The following NR1H3 variants were observed in gnomAD, a reference collection of about 807,000 sequenced individuals.
NR1H3 encodes the protein nuclear receptor subfamily 1 group H member 3.
Under a neutral mutation model 48.1 loss-of-function variants are expected in NR1H3, and 19 were observed. That is an observed-to-expected ratio of 0.40 (90% CI 0.28 to 0.58). NR1H3 has a LOEUF of 0.58. Among genes scored for constraint, NR1H3 ranks in the 20% least tolerant of loss-of-function variants. NR1H3 has a pLI of 0.50. For missense variants in NR1H3, 486 were observed against 595.9 expected (o/e 0.82, Z 1.92); for synonymous variants, 232 against 227.3 (o/e 1.02, Z -0.19).
chr11:47,267,590 C>G (rs1035168506), intron 7 of NR1H3, among the ~76,000 whole-genome samples: 2 of 151,730 alleles, frequency 1.3e-5, no homozygotes, highest in African/African-American at 4.9e-5. Flanking sequence ...GTCACTGCAA[C>G]CTCTGCCTCC....
upstream of NR1H3, among the ~76,000 whole-genome samples, chr11:47,255,541 T>TTTTC (rs1173009490): frequency 3.2e-3 from 228 of 71,602 alleles, 1 homozygote; most frequent in East Asian, 0.012. Flanking sequence ...CTTTCTTTCT[T>TTTTC]TTTCTTTCTT....
intron 1 of NR1H3, among the ~76,000 whole-genome samples, chr11:47,250,725 T>G (rs534532110): frequency 6.6e-6 from 1 of 152,370 alleles, no homozygotes; most frequent in African/African-American, 2.4e-5. Context: ...GACCATTTAT[T>G]ACAGGTTTCA....
upstream of NR1H3, chr11:47,257,512 C>T (rs991591605): frequency 3.7e-5 from 11 of 298,246 alleles, no homozygotes; most frequent in Non-Finnish European, 5.5e-5. Context: ...TGGCTGAGGC[C>T]TGGGGCTAGT....
exon 1 of NR1H3, chr11:47,248,924 C>G: frequency 6.5e-7 from 1 of 1,534,518 alleles, no homozygotes. Flanking sequence ...TGCTGGGGTG[C>G]GGGGAAAAGG....
chr11:47,266,576 C>T (rs1246400421), intron 7 of NR1H3, among the ~76,000 whole-genome samples: 3 of 151,934 alleles, frequency 2.0e-5, no homozygotes, highest in East Asian at 1.9e-4. Flanking sequence ...TCAGGCAATC[C>T]GTCTGCCTCG....
At chr11:47,248,699 G>C (rs745371771), upstream of NR1H3, 22 of 1,611,948 alleles carry the variant, frequency 1.4e-5, no homozygotes, top group Admixed American at 3.2e-4. Context: ...CGCAGACTCC[G>C]GGCCCGGGTG....
chr11:47,268,411 GA>G (rs1364665104), intron 9 of NR1H3, 56 bp downstream of exon 9: 1 of 1,593,546 alleles, frequency 6.3e-7, no homozygotes, highest in Non-Finnish European at 8.6e-7. Context: ...CCCATTCCCT[GA>G]CATACCTACT....
Position 47,261,316 on chromosome 11 carries a change from T to C in NR1H3, c.575T>C (p.Leu192Ser), listed in dbSNP as rs147922801. The C allele has an allele frequency of 3.1e-6, 5 of 1,613,910 alleles. No individual in the cohort carries two copies. In the African/African-American group the frequency reaches 4.0e-5, roughly 13 times the overall value. ...GAGGAACAGGCTCATGCCACATCCT[T>C]GCCCCCCAGGGCTTCCTCACCCCCC... ...QEEEQAHATS[L>S]PPRASSPPQI... Residue 192 changes from leucine to serine, a missense_variant, in exon 5 of 10, where the codon TTG becomes TCG. Transcript: ENST00000441012.
Position 47,249,907 on chromosome 11 carries a change from C to T in NR1H3, c.-93+908C>T, listed in dbSNP as rs182497537. Among the ~76,000 whole-genome samples, 10 of 150,980 alleles carry T rather than the reference C, an allele frequency of 6.6e-5. No homozygotes were observed. The East Asian group carries it at 1.8e-3, about 27-fold the overall frequency. On this transcript the variant is annotated intron_variant, in intron 1 of 8. Coordinates refer to the NR1H3 transcript ENST00000395397. ...AGGAGTTCGAGACCAGCCTGGCCAA[C>T]GTGGCGAAACCCCGTCTCTACTAAA...
upstream of NR1H3, among the ~76,000 whole-genome samples, chr11:47,255,611 CTCTCTCTTTCTTTCTT>C (rs1488268132): frequency 2.4e-4 from 29 of 122,932 alleles, 1 homozygote; most frequent in African/African-American, 9.0e-4. Context: ...CTCTCTCTCT[CTCTCTCTTTCTTTCTT>C]TCTTTCTTTC....
upstream of NR1H3, among the ~76,000 whole-genome samples, chr11:47,255,595 T>TTCTC (rs1183559034): frequency 1.9e-3 from 114 of 61,374 alleles, 2 homozygotes; most frequent in African/African-American, 8.1e-3. Context: ...CTTTCTTTCT[T>TTCTC]TCTCTCTCTC....
chr11:47,267,836 T>C (rs554898635), intron 7 of NR1H3, 77 bp from the exon 8 acceptor site: 1 of 1,025,638 alleles, frequency 9.8e-7, no homozygotes, highest in African/African-American at 1.6e-5. Context: ...GAGTTCCTAA[T>C]AGTTCCCTAA....
At chr11:47,254,759 C>T (rs1440065267), upstream of NR1H3, among the ~76,000 whole-genome samples, 3 of 152,146 alleles carry the variant, frequency 2.0e-5, no homozygotes, top group South Asian at 2.1e-4. Flanking sequence ...GCCTGTTCCC[C>T]CTCTCCCACC....
Position 47,266,339 on chromosome 11 carries a change from AT to A in NR1H3, c.989-1560del, listed in dbSNP as rs139598824. Among the ~76,000 whole-genome samples the A allele has an allele frequency of 6.6e-3, 924 of 140,858 alleles. 11 individuals are homozygous for A. The highest frequency in any genetic ancestry group is 7.4e-3 in the Non-Finnish European group (472 of 64,022). 92.4% of individuals were successfully genotyped at this position (140,858 alleles called of 152,430 possible). ...AACCACCGTGCCCTGCTGAAAAAGG[AT>A]TTTTTTTTTTTTTGAGCCAGAATCT... On this transcript the variant is annotated intron_variant, in intron 7 of 9. Coordinates refer to ENST00000441012, the MANE Select transcript of NR1H3 (RefSeq NM_005693.4).
chr11:47,248,716 A>T (rs746780641), upstream of NR1H3: 3 of 1,612,046 alleles, frequency 1.9e-6, no homozygotes, highest in Middle Eastern at 5.0e-4. Context: ...GGTGGGCGGC[A>T]TCACCACCAG....
Position 47,259,197 on chromosome 11 carries a change from G to T in NR1H3, c.-20G>T. On this transcript the variant is annotated 5_prime_UTR_variant, in exon 2 of 10. The change abolishes an upstream ATG in the 5' untranslated region. Transcript: ENST00000441012. ...TCCTGCAGGACAGTGCCTTGGTAAT[G>T]ACCAGGGCTCCAGGAAGAGATGTCC... The T allele has an allele frequency of 6.2e-7, 1 of 1,614,120 alleles. No individual in the cohort carries two copies. Among genetic ancestry groups the T allele is most frequent in the South Asian group, 1.1e-5 (1 of 91,058 alleles).
At chr11:47,257,451 C>A (rs1955289833), upstream of NR1H3, among the ~76,000 whole-genome samples, 1 of 152,328 alleles carries the variant, frequency 6.6e-6, no homozygotes, top group South Asian at 2.1e-4. Context: ...TTCAGAAACT[C>A]CCTGGAAGGC....
intron 1 of NR1H3, chr11:47,249,021 G>C (rs890560834): frequency 6.8e-7 from 1 of 1,469,506 alleles, no homozygotes; most frequent in African/African-American, 1.4e-5. Context: ...TGGCGCGGCA[G>C]ACAGGGCTCG....
chr11:47,257,560 G>A, upstream of NR1H3: 1 of 701,520 alleles, frequency 1.4e-6, no homozygotes, highest in Non-Finnish European at 1.8e-6. Flanking sequence ...AGGCAAGGGA[G>A]GAGGAGGGAG....
Sources: allele counts gnomAD v4.1 joint callset (sites outside exome capture counted in the v4.1 genomes callset), GRCh38; gene constraint gnomAD v4.1.1; transcripts MANE v1.5; gene names NCBI Gene and HGNC (gene_info 2026-07-23, HGNC 2026-07-21).